The following NRG4 variants were observed in gnomAD, a reference collection of about 807,000 sequenced individuals.
NRG4 encodes pro-neuregulin-4, membrane-bound isoform.
Under a neutral mutation model 15.0 loss-of-function variants are expected in NRG4, and 10 were observed. The ratio of observed to expected loss-of-function variants is 0.67; its 90% confidence interval spans 0.41 to 1.13. The LOEUF is 1.13. Ranked by LOEUF, NRG4 falls within the 50% of genes most tolerant of loss-of-function variation. NRG4 has a pLI of 0.00. For synonymous variants in NRG4, 41 were observed against 50.1 expected (o/e 0.82, Z 0.77); for missense variants, 139 against 140.2 (o/e 0.99, Z 0.04).
chr15:76,003,608 T>C (rs1177992419), intron 3 of NRG4, among the ~76,000 whole-genome samples: 1 of 152,134 alleles, frequency 6.6e-6, no homozygotes, highest in East Asian at 1.9e-4. Flanking sequence ...CCAAGTAAGA[T>C]GAACTCAAAG....
intron 3 of NRG4, among the ~76,000 whole-genome samples, chr15:75,988,112 A>G (rs2033863239): frequency 6.6e-6 from 1 of 152,214 alleles, no homozygotes; most frequent in Non-Finnish European, 1.5e-5. Flanking sequence ...AAGATTGAGA[A>G]GCTAGTTGAG....
chr15:75,936,927 G>A (rs1291689493), downstream of NRG4: 2 of 152,048 alleles, frequency 1.3e-5, no homozygotes, highest in African/African-American at 4.8e-5. Flanking sequence ...TATAGTGACT[G>A]TTAGCCAGTA....
intron 5 of NRG4, among the ~76,000 whole-genome samples, chr15:76,019,567 C>T (rs532748905): frequency 3.9e-5 from 6 of 152,280 alleles, no homozygotes; most frequent in Admixed American, 1.3e-4. Context: ...TGGAGTGCAC[C>T]GTCCCTCATG....
At chr15:75,953,059 T>C (rs996210840) in intron 5 of NRG4, among the ~76,000 whole-genome samples, 4 of 152,184 alleles carry the variant, frequency 2.6e-5, no homozygotes, top group Non-Finnish European at 5.9e-5. Flanking sequence ...TTTTGTTGCT[T>C]GTACTTTTAG....
intron 3 of NRG4, among the ~76,000 whole-genome samples, chr15:75,998,284 T>C (rs1000520791): frequency 2.6e-5 from 4 of 152,194 alleles, no homozygotes; most frequent in African/African-American, 9.7e-5. Flanking sequence ...AAGTAAATTA[T>C]ATAGTATGTT....
intron 4 of NRG4, among the ~76,000 whole-genome samples, chr15:76,048,059 G>A (rs2035913896): frequency 6.7e-6 from 1 of 150,186 alleles, no homozygotes; most frequent in African/African-American, 2.5e-5. Context: ...TCCAGAGGCT[G>A]AGGTGGGAGG....
intron 3 of NRG4, among the ~76,000 whole-genome samples, chr15:75,998,405 AG>A (rs1336610366): frequency 1.6e-4 from 24 of 152,298 alleles, no homozygotes; most frequent in Non-Finnish European, 2.6e-4. Flanking sequence ...TAAAAGGATG[AG>A]GGGGAGTTAG....
At chr15:76,057,966 T>C (rs1567133292) in intron 1 of NRG4, among the ~76,000 whole-genome samples, 2 of 152,096 alleles carry the variant, frequency 1.3e-5, no homozygotes, top group South Asian at 4.2e-4. Context: ...GGTAGAAATT[T>C]GAAGTGGTCT....
intron 5 of NRG4, 116 bp downstream of exon 5, chr15:75,955,809 ACCCATAG>A: frequency 2.1e-6 from 1 of 467,292 alleles, no homozygotes; most frequent in South Asian, 4.0e-5. Context: ...AAAAAAAAAA[ACCCATAG>A]AAAAGTTTAG....
At chr15:75,956,516 T>G (rs1567075191) in intron 4 of NRG4, among the ~76,000 whole-genome samples, 1 of 26,374 alleles carries the variant, frequency 3.8e-5, no homozygotes, top group South Asian at 0.013. Flanking sequence ...ATGATTTATG[T>G]TATGATAGAT....
At chr15:76,006,464 C>T (rs1319601693) in intron 3 of NRG4, among the ~76,000 whole-genome samples, 1 of 152,086 alleles carries the variant, frequency 6.6e-6, no homozygotes, top group African/African-American at 2.4e-5. Flanking sequence ...AACCTGCAGT[C>T]ACTATTTTTT....
chr15:76,044,728 G>T (rs2035828984), intron 4 of NRG4, among the ~76,000 whole-genome samples: 1 of 149,492 alleles, frequency 6.7e-6, no homozygotes, highest in Admixed American at 6.6e-5. Context: ...CCAGCTACTT[G>T]GGAGGCTGAG....
intron 5 of NRG4, among the ~76,000 whole-genome samples, chr15:75,955,653 C>T (rs2032189778): frequency 6.6e-6 from 1 of 152,102 alleles, no homozygotes; most frequent in South Asian, 2.1e-4. Context: ...TCTGAGAAAC[C>T]AGTCCCTTAT....
At chr15:76,009,504 T>C (rs1302944077) in intron 2 of NRG4, among the ~76,000 whole-genome samples, 5 of 152,130 alleles carry the variant, frequency 3.3e-5, no homozygotes, top group African/African-American at 4.8e-5. Context: ...CCTAAAGATA[T>C]GGCCATTAAC....
intron 3 of NRG4, among the ~76,000 whole-genome samples, chr15:75,998,081 G>A (rs537056616): frequency 2.0e-5 from 3 of 152,130 alleles, no homozygotes; most frequent in African/African-American, 4.8e-5. Flanking sequence ...TGTGAAACCC[G>A]AGAGAATTAA....
upstream of NRG4, among the ~76,000 whole-genome samples, chr15:76,014,165 C>A (rs1306923162): frequency 3.3e-5 from 5 of 152,122 alleles, no homozygotes; most frequent in Admixed American, 3.3e-4. Context: ...CTGTTCATAT[C>A]CTTCACTCAC....
intron 3 of NRG4, among the ~76,000 whole-genome samples, chr15:75,984,039 T>C (rs2133408): frequency 0.06 from 9,092 of 152,196 alleles, 556 homozygotes; most frequent in African/African-American, 0.16. Context: ...AAAAAATACA[T>C]GGCAGGGGAG....
At position 75,942,616 on chromosome 15, in the gene NRG4, C is replaced by A. The variant is rs335719; in HGVS notation, c.*1022G>T. ...TGAATGAATTGGTGACACTAGTGAC[C>A]CACTGAATTCACAGCACTTACACTG... is the stretch of plus-strand genomic sequence containing the variant. On this transcript the variant is annotated 3_prime_UTR_variant, in exon 6 of 6. Coordinates refer to ENST00000394907, the MANE Select transcript of NRG4 (RefSeq NM_138573.4). 0.98 allele frequency: 148,894 copies of A among 152,322 alleles called. 72,857 individuals carry two copies. The highest frequency in any genetic ancestry group is 1 in the East Asian group (5,178 of 5,178). 9.4% of individuals were successfully genotyped at this position (152,322 alleles called of 1,614,324 possible).
At chr15:75,983,641 A>T (rs1242889862) in intron 3 of NRG4, among the ~76,000 whole-genome samples, 1 of 152,192 alleles carries the variant, frequency 6.6e-6, no homozygotes, top group East Asian at 1.9e-4. Flanking sequence ...AAATAGTAAC[A>T]TAACTCAATA....
Sources: allele counts gnomAD v4.1 joint callset (sites outside exome capture counted in the v4.1 genomes callset), GRCh38; gene constraint gnomAD v4.1.1; transcripts MANE v1.5; gene names NCBI Gene and HGNC (gene_info 2026-07-23, HGNC 2026-07-21).